The following SPARCL1 variants were observed in gnomAD, a reference collection of about 807,000 sequenced individuals.
SPARCL1 encodes SPARC-like protein 1.
SPARCL1 carries 52 observed loss-of-function variants against 67.1 expected under a neutral mutation model. That is an observed-to-expected ratio of 0.78 (90% CI 0.62 to 0.98). SPARCL1 has a LOEUF of 0.98. Ranked by LOEUF, SPARCL1 falls within the 50% of genes least tolerant of loss-of-function variation. SPARCL1 has a pLI of 0.00. For synonymous variants in SPARCL1, 226 were observed against 267.8 expected (o/e 0.84, Z 1.52); for missense variants, 717 against 782.4 (o/e 0.92, Z 1.00).
At chr4:87,501,594 C>T (rs1030348035) in intron 1 of SPARCL1, among the ~76,000 whole-genome samples, 1 of 151,832 alleles carries the variant, frequency 6.6e-6, no homozygotes, top group African/African-American at 2.4e-5. Context: ...GTGAGTTTTT[C>T]CCCAATGTTT....
intron 7 of SPARCL1, among the ~76,000 whole-genome samples, chr4:87,483,753 C>T (rs1190871980): frequency 6.6e-6 from 1 of 152,136 alleles, no homozygotes; most frequent in Non-Finnish European, 1.5e-5. Flanking sequence ...TCTGTTGTTT[C>T]CTGACTTTTT....
intron 2 of SPARCL1, among the ~76,000 whole-genome samples, chr4:87,496,768 G>C (rs17012712): frequency 0.01 from 1,544 of 152,294 alleles, 33 homozygotes; most frequent in African/African-American, 0.035. Flanking sequence ...CTATCCAGGT[G>C]TAAGTATGAA....
At chr4:87,508,782 A>ATGTGTGTGTGTGTGTGTG (rs71667857) in intron 1 of SPARCL1, among the ~76,000 whole-genome samples, 6 of 140,098 alleles carry the variant, frequency 4.3e-5, no homozygotes, top group African/African-American at 1.6e-4. Flanking sequence ...GATGAAACAT[A>ATGTGTGTGTGTGTGTGTG]TGTGTGTGTG....
chr4:87,491,225 G>A (rs1724312912), intron 5 of SPARCL1, among the ~76,000 whole-genome samples: 1 of 151,610 alleles, frequency 6.6e-6, no homozygotes, highest in African/African-American at 2.4e-5. Context: ...CTGGTCAGAA[G>A]TGAAATAAGG....
intron 1 of SPARCL1, among the ~76,000 whole-genome samples, chr4:87,520,985 T>C (rs1176120793): frequency 6.6e-6 from 1 of 152,210 alleles, no homozygotes; most frequent in African/African-American, 2.4e-5. Context: ...ATTCTCCGTC[T>C]AGATTTATTA....
intron 1 of SPARCL1, among the ~76,000 whole-genome samples, chr4:87,507,141 G>A (rs1725117514): frequency 6.6e-6 from 1 of 152,252 alleles, no homozygotes; most frequent in Non-Finnish European, 1.5e-5. Context: ...TTTAATGCCA[G>A]GAGTATTTCC....
At chr4:87,508,442 G>C (rs773754969) in intron 1 of SPARCL1, among the ~76,000 whole-genome samples, 1 of 151,266 alleles carries the variant, frequency 6.6e-6, no homozygotes, top group Non-Finnish European at 1.5e-5. Flanking sequence ...TCAAACGATT[G>C]TCCCATCTTG....
In SPARCL1 at chr4:87,493,684, C is replaced by T. The variant is rs923178246; in HGVS notation, c.1116G>A (p.Glu372=). The T allele has an allele frequency of 1.2e-6, 2 of 1,614,128 alleles. No individual in the cohort carries two copies. Among genetic ancestry groups the T allele is most frequent in the Middle Eastern group, 1.7e-4 (1 of 6,060 alleles). The change falls in exon 4 of 11, where the codon GAG becomes GAA. Residue 372 remains glutamate, a synonymous_variant. Coordinates refer to ENST00000282470, the MANE Select transcript of SPARCL1 (RefSeq NM_004684.6). ...GGTGATAGGCAATGGATTGAGCTCT[C>T]TCGGCCTCCAGAAAGGCCTGGCTTG... is the stretch of plus-strand genomic sequence containing the variant. The part of the protein sequence containing the change: ...FIPSQAFLEA[E]RAQSIAYHLK...
intron 1 of SPARCL1, among the ~76,000 whole-genome samples, chr4:87,516,409 A>G (rs1725584678): frequency 6.6e-6 from 1 of 151,354 alleles, no homozygotes; most frequent in African/African-American, 2.5e-5. Flanking sequence ...ACTCAGTAGT[A>G]GAATCACTTA....
rs75970070 is a variant in SPARCL1 at position 87,494,686 on chromosome 4, T to C, written c.202-88A>G. On this transcript the variant is annotated intron_variant, in intron 3 of 10. Coordinates refer to ENST00000282470, the MANE Select transcript of SPARCL1 (RefSeq NM_004684.6). ...GTAACATTTAATATTCATTATTCTT[T>C]TTCTTCACACACTATCATGTAAACA... 9,435 of 1,073,424 alleles carry C rather than the reference T, an allele frequency of 8.8e-3. 551 individuals carry two copies. The African/African-American group carries it at 0.13, about 15-fold the overall frequency. 66.5% of individuals were successfully genotyped at this position (1,073,424 alleles called of 1,614,324 possible).
chr4:87,476,716 A>C (rs1317348843), intron 10 of SPARCL1, among the ~76,000 whole-genome samples: 1 of 152,172 alleles, frequency 6.6e-6, no homozygotes. Context: ...CCTGAACCCC[A>C]TTTTTACAGA....
At chr4:87,492,435 A>G (rs1012193010) in intron 4 of SPARCL1, among the ~76,000 whole-genome samples, 4 of 151,448 alleles carry the variant, frequency 2.6e-5, no homozygotes, top group Non-Finnish European at 5.9e-5. Flanking sequence ...AAAAAAAAAG[A>G]AAAAAGAAAG....
At chr4:87,521,306 C>T (rs1725809039) in intron 1 of SPARCL1, among the ~76,000 whole-genome samples, 1 of 152,162 alleles carries the variant, frequency 6.6e-6, no homozygotes, top group Admixed American at 6.5e-5. Context: ...TGTACTTCTT[C>T]TTTCTATCTT....
At chr4:87,491,504 G>A in intron 5 of SPARCL1, 114 bp downstream of exon 5, 1 of 825,458 alleles carries the variant, frequency 1.2e-6, no homozygotes, top group African/African-American at 1.7e-5. Context: ...GGGAGGACTG[G>A]GGAGAGAAAA....
chr4:87,484,438 C>CTA lies in SPARCL1; in HGVS notation c.1532-1880_1532-1879dup, dbSNP rs1288774403. On this transcript the variant is annotated intron_variant, in intron 7 of 10. Coordinates refer to ENST00000282470, the MANE Select transcript of SPARCL1 (RefSeq NM_004684.6). Reference sequence around the variant, plus strand: ...GAGCCATCTGCTCTGTTCCATTGGTCTATATATCTGTTTTGATACCAGTAC... The same window carrying CTA: ...GAGCCATCTGCTCTGTTCCATTGGTCTATATATATCTGTTTTGATACCAGTAC... Among the ~76,000 whole-genome samples, 5 of 152,292 alleles carry CTA rather than the reference C, an allele frequency of 3.3e-5. No individual in the cohort carries two copies. The East Asian group carries it at 9.6e-4, about 29-fold the overall frequency.
intron 1 of SPARCL1, among the ~76,000 whole-genome samples, chr4:87,500,226 G>A (rs1016627287): frequency 6.6e-6 from 1 of 152,188 alleles, no homozygotes; most frequent in East Asian, 1.9e-4. Flanking sequence ...GACAGCAGTT[G>A]GCTGCATCTG....
rs563251412 is a variant in SPARCL1, at chr4:87,499,589, T to C, written c.-11-4A>G. 4.2e-4 allele frequency: 669 copies of C among 1,583,000 alleles called. 12 individuals are homozygous for C. The South Asian group carries it at 7.5e-3, about 18-fold the overall frequency. On this transcript the variant is annotated splice_region_variant and splice_polypyrimidine_tract_variant and intron_variant, in intron 1 of 10. Coordinates refer to ENST00000282470, the MANE Select transcript of SPARCL1 (RefSeq NM_004684.6). ...CCAGTCTTCATGCTTTCCAGATCTG[T>C]GAACCAAGAAGATAATTATCAGTGG...
intron 1 of SPARCL1, among the ~76,000 whole-genome samples, chr4:87,515,625 C>A (rs1197542505): frequency 1.3e-5 from 2 of 152,126 alleles, no homozygotes; most frequent in Non-Finnish European, 2.9e-5. Context: ...TGTCTCATTA[C>A]CAAACTTTCA....
chr4:87,504,189 G>C (rs1724981360), intron 1 of SPARCL1, among the ~76,000 whole-genome samples: 1 of 140,024 alleles, frequency 7.1e-6, no homozygotes, highest in African/African-American at 2.6e-5. Context: ...GTGTGGTGGG[G>C]TGGGGGTGGG....
Sources: gnomAD v4.1 joint callset for allele counts (sites outside exome capture counted in the v4.1 genomes callset) on GRCh38, gnomAD v4.1.1 for gene constraint, MANE v1.5 for transcripts, NCBI Gene and HGNC (gene_info 2026-07-23, HGNC 2026-07-21) for gene names.